Variants in ACSS1 observed in about 807,000 individuals in gnomAD.
ACSS1 encodes the protein acetyl-coenzyme A synthetase 2-like, mitochondrial.
In ACSS1, 42 loss-of-function variants were observed where a neutral mutation model predicts 75.3. That is an observed-to-expected ratio of 0.56 (90% CI 0.44 to 0.72). ACSS1 has a LOEUF of 0.72. ACSS1 is among the 30% of genes least tolerant of loss of function. The pLI, the probability that ACSS1 is intolerant of heterozygous loss-of-function variation, is 0.00. For missense variants in ACSS1, 782 were observed against 935.7 expected (o/e 0.84, Z 2.14); for synonymous variants, 380 against 376.8 (o/e 1.01, Z -0.10).
At chr20:25,024,544 C>G (rs2088681859) in intron 3 of ACSS1, among the ~76,000 whole-genome samples, 1 of 152,212 alleles carries the variant, frequency 6.6e-6, no homozygotes, top group African/African-American at 2.4e-5. Flanking sequence ...TCTTGCAGAG[C>G]TATGGGCAGA....
intron 12 of ACSS1, chr20:25,010,118 T>C (rs1313734820): frequency 6.6e-6 from 1 of 152,634 alleles, no homozygotes; most frequent in Non-Finnish European, 1.5e-5. Flanking sequence ...CCATCCCTGA[T>C]AGCCTGCCCG....
At position 25,033,976 on chromosome 20, in the gene ACSS1, C is replaced by A. The variant is rs73346958; in HGVS notation, c.432-3018G>T. The stretch of plus-strand genomic sequence containing the variant: ...AGGGGCCTCAACATGGGCCCAAGAG[C>A]TGAAGCAGGGTCTGGTGAGTCTCAC... On this transcript the variant is annotated intron_variant, in intron 2 of 13. Coordinates refer to ENST00000323482, the MANE Select transcript of ACSS1 (RefSeq NM_032501.4). Among the ~76,000 whole-genome samples the A allele has an allele frequency of 4.0e-3, 606 of 152,352 alleles. 3 individuals carry two copies. Among genetic ancestry groups the A allele is most frequent in the African/African-American group, 0.013 (561 of 41,578 alleles).
intron 1 of ACSS1, among the ~76,000 whole-genome samples, 184 bp downstream of exon 1, chr20:25,057,585 G>A (rs1432140552): frequency 6.6e-6 from 1 of 152,184 alleles, no homozygotes; most frequent in Non-Finnish European, 1.5e-5. Context: ...GGCCCGATGG[G>A]ATGAGGGACG....
At chr20:25,025,985 C>G (rs1377303187) in intron 3 of ACSS1, among the ~76,000 whole-genome samples, 1 of 152,146 alleles carries the variant, frequency 6.6e-6, no homozygotes, top group East Asian at 1.9e-4. Context: ...GTGTGGCCAT[C>G]TGAGTGGGTC....
At chr20:25,039,448 G>C (rs1379203968) in intron 2 of ACSS1, among the ~76,000 whole-genome samples, 1 of 152,204 alleles carries the variant, frequency 6.6e-6, no homozygotes, top group African/African-American at 2.4e-5. Flanking sequence ...ATGAACCTGA[G>C]GCTGATTCTC....
chr20:25,010,084 T>C (rs1477296109), intron 12 of ACSS1: 2 of 152,442 alleles, frequency 1.3e-5, no homozygotes, highest in African/African-American at 2.4e-5. Context: ...TTGTTGTCCA[T>C]ATAAGGAGTT....
intron 2 of ACSS1, chr20:25,032,230 T>G: frequency 1.3e-6 from 1 of 770,034 alleles, no homozygotes; most frequent in Non-Finnish European, 1.8e-6. Flanking sequence ...ATCACCAGGT[T>G]CACCCACCAC....
At chr20:25,049,478 A>G (rs895440001) in intron 1 of ACSS1, among the ~76,000 whole-genome samples, 1 of 152,184 alleles carries the variant, frequency 6.6e-6, no homozygotes, top group Non-Finnish European at 1.5e-5. Flanking sequence ...ACTGAGGGAA[A>G]TGCCAGGGCA....
chr20:25,047,800 G>A (rs931776718), intron 2 of ACSS1, among the ~76,000 whole-genome samples: 1 of 151,786 alleles, frequency 6.6e-6, no homozygotes, highest in Non-Finnish European at 1.5e-5. Flanking sequence ...TAAGGAATCA[G>A]AGACTAAAAA....
intron 4 of ACSS1, 71 bp downstream of exon 4, chr20:25,023,395 A>G (rs1600320469): frequency 2.5e-6 from 4 of 1,579,260 alleles, no homozygotes; most frequent in Non-Finnish European, 3.5e-6. Flanking sequence ...GAGAACCACA[A>G]CCCGAGAAGC....
chr20:25,022,350 GA>G lies in ACSS1; in HGVS notation c.960+589del, dbSNP rs550240115. Among the ~76,000 whole-genome samples the G allele has an allele frequency of 1.6e-3, 244 of 151,944 alleles. 3 individuals carry two copies. The highest frequency in any genetic ancestry group is 5.8e-3 in the African/African-American group (238 of 41,346). On this transcript the variant is annotated intron_variant, in intron 5 of 13. Coordinates refer to ENST00000323482, the MANE Select transcript of ACSS1 (RefSeq NM_032501.4). ...CACTCTAACCTGGACAACAGAGTGA[GA>G]CTCCATGAAAAAACAAAACAAAACA...
intron 3 of ACSS1, 78 bp from the exon 4 acceptor site, chr20:25,023,719 T>A (rs1010042221): frequency 5.1e-6 from 7 of 1,380,260 alleles, no homozygotes; most frequent in Non-Finnish European, 4.9e-6. Context: ...ACATAGGACA[T>A]CCAGGCCTAG....
At chr20:25,013,023 C>T in intron 10 of ACSS1, 84 bp from the exon 11 acceptor site, 2 of 1,588,918 alleles carry the variant, frequency 1.3e-6, no homozygotes, top group Non-Finnish European at 1.7e-6. Context: ...AGCTCTGCAG[C>T]CCAGCACGCG....
chr20:25,055,353 C>T (rs2089226998), intron 1 of ACSS1, among the ~76,000 whole-genome samples: 2 of 152,180 alleles, frequency 1.3e-5, no homozygotes, highest in South Asian at 4.1e-4. Flanking sequence ...AAGTACAGTA[C>T]AGGGAAAGCA....
At chr20:25,046,112 G>A in intron 2 of ACSS1, 1 of 152,262 alleles carries the variant, frequency 6.6e-6, no homozygotes, top group Middle Eastern at 3.4e-3. Context: ...TTTTAGTAGA[G>A]ACGGGGTTTC....
At chr20:25,032,616 C>T in intron 2 of ACSS1, 1 of 1,231,952 alleles carries the variant, frequency 8.1e-7, no homozygotes, top group Non-Finnish European at 1.0e-6. Flanking sequence ...CTGCAGGGGC[C>T]CAGAAAGCAG....
chr20:25,036,671 A>G (rs4815361), intron 2 of ACSS1, among the ~76,000 whole-genome samples: 139,112 of 152,188 alleles, frequency 0.91, 63,788 homozygotes, highest in East Asian at 1. Flanking sequence ...TAAACAAATT[A>G]AGGCTGGGCA....
At chr20:25,028,049 G>A (rs2088757480) in intron 3 of ACSS1, among the ~76,000 whole-genome samples, 1 of 152,002 alleles carries the variant, frequency 6.6e-6, no homozygotes, top group South Asian at 2.1e-4. Flanking sequence ...AAGATACTTA[G>A]GAATAAATTT....
intron 2 of ACSS1, 111 bp downstream of exon 2, chr20:25,047,972 AAG>A: frequency 1.1e-6 from 1 of 880,332 alleles, no homozygotes; most frequent in Non-Finnish European, 1.7e-6. Context: ...AGCACTTGCA[AAG>A]CCAAAATGCA....
Sources: allele counts gnomAD v4.1 joint callset (sites outside exome capture counted in the v4.1 genomes callset), GRCh38; gene constraint gnomAD v4.1.1; transcripts MANE v1.5; gene names NCBI Gene and HGNC (gene_info 2026-07-23, HGNC 2026-07-21).